MLLT10: variants seen among roughly 807,000 people sequenced by gnomAD.
MLLT10 encodes MLLT10 histone lysine methyltransferase DOT1L cofactor, also known as protein AF-10.
MLLT10 carries 30 observed loss-of-function variants against 129.1 expected under a neutral mutation model. That is an observed-to-expected ratio of 0.23 (90% CI 0.17 to 0.32). MLLT10 has a LOEUF of 0.32. MLLT10 is among the 10% of genes least tolerant of loss of function. MLLT10 has a pLI of 1.00. For missense variants in MLLT10, 1,119 were observed against 1,268.3 expected, an observed-to-expected ratio of 0.88 and a Z score of 1.79; for synonymous variants, 490 against 446.4, an observed-to-expected ratio of 1.10 and a Z score of -1.23.
chr10:21,650,246 G>C (rs1028609887), intron 8 of MLLT10, among the ~76,000 whole-genome samples: 1 of 152,158 alleles, frequency 6.6e-6, no homozygotes, highest in Admixed American at 6.5e-5. Context: ...GACTACTTGG[G>C]AGGCTGAGGT....
intron 5 of MLLT10, among the ~76,000 whole-genome samples, chr10:21,602,102 A>G (rs867483678): frequency 1.3e-5 from 2 of 152,224 alleles, no homozygotes; most frequent in African/African-American, 4.8e-5. Flanking sequence ...CAATTCTGGT[A>G]TAAGCACCTG....
chr10:21,735,989 A>G (rs1278322921), intron 21 of MLLT10, among the ~76,000 whole-genome samples: 1 of 152,218 alleles, frequency 6.6e-6, no homozygotes, highest in African/African-American at 2.4e-5. Flanking sequence ...CTGAAGACCT[A>G]TGTACGCCTC....
rs533964592 is a variant in MLLT10 at position 21,639,155 on chromosome 10, G to A, written c.700-12518G>A. On this transcript the variant is annotated intron_variant, in intron 8 of 22. Transcript: ENST00000307729. ...CAAGAACTATGAAAGAGGTGGAATAGAAAAAACAAACAGTTTCTCCTGCTG... is the reference window on the plus strand; with the variant it reads ...CAAGAACTATGAAAGAGGTGGAATAAAAAAAACAAACAGTTTCTCCTGCTG... Among the ~76,000 whole-genome samples, 5 of 152,294 alleles carry A rather than the reference G, an allele frequency of 3.3e-5. No homozygotes were observed. In the South Asian group the frequency reaches 1.0e-3, roughly 32 times the overall value.
intron 8 of MLLT10, among the ~76,000 whole-genome samples, chr10:21,650,519 A>G (rs186606689): frequency 8.4e-4 from 128 of 152,096 alleles, no homozygotes; most frequent in African/African-American, 2.9e-3. Flanking sequence ...ATTTGTATGC[A>G]TTGTGTTCTG....
chr10:21,619,464 T>C (rs989829087), intron 8 of MLLT10, among the ~76,000 whole-genome samples: 1 of 152,206 alleles, frequency 6.6e-6, no homozygotes, highest in Non-Finnish European at 1.5e-5. Flanking sequence ...TGAATGAATA[T>C]AGTGCTGATG....
At chr10:21,582,923 C>G (rs2041624823) in intron 3 of MLLT10, among the ~76,000 whole-genome samples, 1 of 152,140 alleles carries the variant, frequency 6.6e-6, no homozygotes, top group Non-Finnish European at 1.5e-5. Flanking sequence ...AATCCTAGCA[C>G]TTTAGGAGGC....
At chr10:21,636,383 T>TGGCCTA (rs1432134400) in intron 8 of MLLT10, among the ~76,000 whole-genome samples, 1 of 152,162 alleles carries the variant, frequency 6.6e-6, no homozygotes, top group Non-Finnish European at 1.5e-5. Context: ...ACCTTGGCCT[T>TGGCCTA]GGCCTACCAG....
chr10:21,592,944 G>C (rs1332740000), intron 4 of MLLT10, among the ~76,000 whole-genome samples: 1 of 152,080 alleles, frequency 6.6e-6, no homozygotes, highest in Non-Finnish European at 1.5e-5. Flanking sequence ...TTACATGTGT[G>C]TTAGATCTGC....
chr10:21,585,606 A>G (rs557322999), intron 3 of MLLT10, among the ~76,000 whole-genome samples: 1 of 152,196 alleles, frequency 6.6e-6, no homozygotes, highest in Non-Finnish European at 1.5e-5. Context: ...AGCTGACCAT[A>G]AGACAGGAAG....
intron 13 of MLLT10, among the ~76,000 whole-genome samples, chr10:21,683,529 A>G (rs1368008882): frequency 1.3e-5 from 2 of 152,174 alleles, no homozygotes; most frequent in Non-Finnish European, 2.9e-5. Context: ...TAAACTTGGG[A>G]TTAAAAGAAA....
chr10:21,676,515 G>A (rs2052141877), intron 11 of MLLT10, among the ~76,000 whole-genome samples: 1 of 151,736 alleles, frequency 6.6e-6, no homozygotes, highest in South Asian at 2.1e-4. Flanking sequence ...GAGGTCAAGA[G>A]ATCTAGACCG....
chr10:21,630,341 G>GT (rs2046882410), intron 8 of MLLT10, among the ~76,000 whole-genome samples: 1 of 152,220 alleles, frequency 6.6e-6, no homozygotes, highest in South Asian at 2.1e-4. Flanking sequence ...TATAGTAAGA[G>GT]TGTGAATTAA....
chr10:21,625,331 A>G, intron 8 of MLLT10: 1 of 768,402 alleles, frequency 1.3e-6, no homozygotes, highest in Non-Finnish European at 2.3e-6. Flanking sequence ...TTCAGAATGA[A>G]CAAATGCATA....
rs2058754681 is a variant in MLLT10 at position 21,740,706 on chromosome 10, A to G, written c.3162+470A>G. 3.9e-5 allele frequency among the ~76,000 whole-genome samples: 6 copies of G among 152,376 alleles called. No individual in the cohort carries two copies. In the South Asian group the frequency reaches 1.2e-3, roughly 32 times the overall value. On this transcript the variant is annotated intron_variant, in intron 22 of 22. Transcript: ENST00000307729. ...GGAGTAAATCACAGTCACATCTGTA[A>G]TGGAATTCAAATTTTTAGTTATTAA...
chr10:21,660,860 A>G (rs1463257341), intron 9 of MLLT10, among the ~76,000 whole-genome samples: 2 of 146,094 alleles, frequency 1.4e-5, no homozygotes, highest in Admixed American at 7.0e-5. Flanking sequence ...GTGACAATCA[A>G]AACTCTGTCT....
intron 13 of MLLT10, among the ~76,000 whole-genome samples, chr10:21,706,733 C>T (rs1026470844): frequency 1.3e-4 from 20 of 152,132 alleles, no homozygotes; most frequent in African/African-American, 4.3e-4. Flanking sequence ...ATACTTCTGT[C>T]TTATTTACCA....
At chr10:21,634,217 C>T (rs962628476) in intron 8 of MLLT10, among the ~76,000 whole-genome samples, 8 of 152,106 alleles carry the variant, frequency 5.3e-5, no homozygotes, top group Non-Finnish European at 7.4e-5. Context: ...GGTGACACAG[C>T]GAGACTCAGT....
chr10:21,676,948 T>TC (rs1240629347), intron 11 of MLLT10, among the ~76,000 whole-genome samples: 1 of 152,200 alleles, frequency 6.6e-6, no homozygotes, highest in East Asian at 1.9e-4. Flanking sequence ...GCTGCTTTAA[T>TC]CATAGTAAGT....
chr10:21,613,373 T>A (rs1747993915), intron 6 of MLLT10, among the ~76,000 whole-genome samples: 1 of 152,174 alleles, frequency 6.6e-6, no homozygotes, highest in South Asian at 2.1e-4. Context: ...AAGTACATGC[T>A]CATTTCCTGA....
Sources: allele counts gnomAD v4.1 joint callset (sites outside exome capture counted in the v4.1 genomes callset), GRCh38; gene constraint gnomAD v4.1.1; transcripts MANE v1.5; gene names NCBI Gene and HGNC (gene_info 2026-07-23, HGNC 2026-07-21).